GSTCD: variants seen among roughly 807,000 people sequenced by gnomAD.
GSTCD encodes the protein glutathione S-transferase C-terminal domain-containing protein.
GSTCD carries 44 observed loss-of-function variants against 68.3 expected under a neutral mutation model. That is an observed-to-expected ratio of 0.64 (90% CI 0.51 to 0.83). The LOEUF is 0.83. Ranked by LOEUF, GSTCD falls within the 40% of genes least tolerant of loss-of-function variation. GSTCD has a pLI of 0.00. For synonymous variants in GSTCD, 273 were observed against 255.2 expected, an observed-to-expected ratio of 1.07 and a Z score of -0.67; for missense variants, 739 against 735.9, an observed-to-expected ratio of 1.00 and a Z score of -0.05.
intron 8 of GSTCD, among the ~76,000 whole-genome samples, chr4:105,833,381 T>G (rs778498147): frequency 6.6e-6 from 1 of 151,904 alleles, no homozygotes; most frequent in Non-Finnish European, 1.5e-5. Context: ...AAGAATTGCT[T>G]GAACCCGGGA....
chr4:105,722,608 G>T (rs966846877), intron 3 of GSTCD, among the ~76,000 whole-genome samples: 9 of 152,008 alleles, frequency 5.9e-5, no homozygotes, highest in Admixed American at 5.9e-4. Context: ...GTAAAGGAAT[G>T]CAAAGGAGGA....
chr4:105,722,240 T>G (rs1732880358), intron 3 of GSTCD, among the ~76,000 whole-genome samples: 1 of 152,058 alleles, frequency 6.6e-6, no homozygotes, highest in African/African-American at 2.4e-5. Context: ...TAGAAATTGA[T>G]TTTTTAGCAA....
chr4:105,791,389 T>A (rs1735667540), intron 5 of GSTCD, among the ~76,000 whole-genome samples: 2 of 137,998 alleles, frequency 1.4e-5, no homozygotes, highest in Non-Finnish European at 1.5e-5. Context: ...CGAGACTCCG[T>A]CTCAAAAAAA....
At chr4:105,733,205 T>G (rs1294668) in intron 5 of GSTCD, among the ~76,000 whole-genome samples, 2 of 152,102 alleles carry the variant, frequency 1.3e-5, no homozygotes, top group African/African-American at 2.4e-5. Context: ...GTATTTGGTT[T>G]GCTTGGTGTG....
At chr4:105,834,390 T>C (rs1724026036) in intron 8 of GSTCD, 71 bp from the exon 9 acceptor site, 1 of 1,484,656 alleles carries the variant, frequency 6.7e-7, no homozygotes, top group African/African-American at 1.4e-5. Context: ...ATGAGAACTA[T>C]TTAAAAGGCA....
At position 105,784,121 on chromosome 4, in the gene GSTCD, G is replaced by A. The variant is rs141724956; in HGVS notation, c.1241-38833G>A. On this transcript the variant is annotated intron_variant, in intron 5 of 11. Coordinates refer to ENST00000515279, the MANE Select transcript of GSTCD (RefSeq NM_001370181.1). ...TTTTTACTTTGCAATTAAGTAATTT[G>A]TGGTAGTCTGAGACTATGTACATAT... Among the ~76,000 whole-genome samples, 5 of 152,328 alleles carry A rather than the reference G, an allele frequency of 3.3e-5. No homozygotes were observed. In the East Asian group the frequency reaches 5.8e-4, roughly 18 times the overall value.
intron 5 of GSTCD, among the ~76,000 whole-genome samples, chr4:105,759,255 A>C (rs971198111): frequency 6.6e-6 from 1 of 152,160 alleles, no homozygotes; most frequent in African/African-American, 2.4e-5. Flanking sequence ...TGTTTAGAAA[A>C]GTCTTTTTAA....
chr4:105,801,527 C>T (rs1736104281), intron 5 of GSTCD, among the ~76,000 whole-genome samples: 1 of 151,884 alleles, frequency 6.6e-6, no homozygotes, highest in Non-Finnish European at 1.5e-5. Flanking sequence ...AATGAAATGA[C>T]TTAAAATGAC....
At chr4:105,787,718 A>G (rs1318127870) in intron 5 of GSTCD, among the ~76,000 whole-genome samples, 1 of 152,064 alleles carries the variant, frequency 6.6e-6, no homozygotes. Context: ...GATGGAAAAA[A>G]AAGACATGAG....
At chr4:105,812,619 C>G (rs925004920) in intron 5 of GSTCD, among the ~76,000 whole-genome samples, 3 of 152,238 alleles carry the variant, frequency 2.0e-5, no homozygotes, top group Middle Eastern at 3.4e-3. Context: ...AGCACCTACT[C>G]TGGGTATACA....
chr4:105,813,692 T>G (rs1722848094), intron 5 of GSTCD, among the ~76,000 whole-genome samples: 1 of 152,176 alleles, frequency 6.6e-6, no homozygotes, highest in African/African-American at 2.4e-5. Context: ...CCTAGCTCTT[T>G]TCTACCTAAA....
chr4:105,812,001 A>G (rs1356218687), intron 5 of GSTCD, among the ~76,000 whole-genome samples: 2 of 152,202 alleles, frequency 1.3e-5, no homozygotes, highest in Non-Finnish European at 2.9e-5. Flanking sequence ...TGGCACAGGC[A>G]TATATTAAGA....
intron 5 of GSTCD, among the ~76,000 whole-genome samples, chr4:105,774,065 G>A (rs1366816876): frequency 1.3e-5 from 2 of 152,120 alleles, no homozygotes; most frequent in African/African-American, 4.8e-5. Context: ...ATATATTTAG[G>A]ATAGTTAGCT....
In GSTCD at chr4:105,845,529, A is replaced by T; in HGVS notation, c.1854A>T (p.Pro618=). The change falls in exon 12 of 12, where the codon CCA becomes CCT. Residue 618 remains proline, a synonymous_variant. Transcript: ENST00000515279. ...CCGTTCAAGTGATATCCATGGAGCC[A>T]GAGAGCTGCTCTCCCAAAAATAACA... ...GYSVQVISME[P]ESCSPKNNMI... The T allele has an allele frequency of 6.2e-7, 1 of 1,614,128 alleles. No homozygotes were observed. Among genetic ancestry groups the T allele is most frequent in the Non-Finnish European group, 8.5e-7 (1 of 1,179,984 alleles).
chr4:105,781,427 A>T (rs1160249242), intron 5 of GSTCD, among the ~76,000 whole-genome samples: 62 of 142,462 alleles, frequency 4.4e-4, no homozygotes, highest in Non-Finnish European at 2.9e-4. Context: ...TTTTTTTTTT[A>T]AAGTTTTTGT....
chr4:105,790,137 G>T (rs898118289), intron 5 of GSTCD, among the ~76,000 whole-genome samples: 3 of 152,012 alleles, frequency 2.0e-5, no homozygotes, highest in Admixed American at 1.3e-4. Context: ...TTGTAAAGGA[G>T]AACTAGGAAT....
intron 3 of GSTCD, among the ~76,000 whole-genome samples, chr4:105,721,541 A>T (rs1194239475): frequency 6.6e-6 from 1 of 152,194 alleles, no homozygotes; most frequent in Non-Finnish European, 1.5e-5. Flanking sequence ...CAAGGTTTGA[A>T]TTACTAAGGG....
intron 5 of GSTCD, among the ~76,000 whole-genome samples, chr4:105,754,783 C>T (rs919926844): frequency 2.6e-5 from 4 of 152,040 alleles, no homozygotes; most frequent in Admixed American, 6.6e-5. Context: ...AATAGGGTCA[C>T]GGCCTACCCC....
At chr4:105,828,118 G>A (rs1414910632) in intron 8 of GSTCD, among the ~76,000 whole-genome samples, 1 of 152,120 alleles carries the variant, frequency 6.6e-6, no homozygotes, top group Non-Finnish European at 1.5e-5. Context: ...ATAAGGTACT[G>A]ATTTCTAACA....
Sources: gnomAD v4.1 joint callset for allele counts (sites outside exome capture counted in the v4.1 genomes callset) on GRCh38, gnomAD v4.1.1 for gene constraint, MANE v1.5 for transcripts, NCBI Gene and HGNC (gene_info 2026-07-23, HGNC 2026-07-21) for gene names.